Variants in DSG2 observed in about 807,000 individuals in gnomAD.
DSG2 encodes desmoglein-2.
A neutral mutation model predicts 75.6 loss-of-function variants in DSG2; 45 were observed. That is an observed-to-expected ratio of 0.60 (90% CI 0.47 to 0.76). DSG2 has a LOEUF of 0.76. Ranked by LOEUF, DSG2 falls within the 30% of genes least tolerant of loss-of-function variation. The probability of loss-of-function intolerance (pLI) is 0.00; values close to 1 mark genes in which losing one functional copy is unlikely to be tolerated. For synonymous variants in DSG2, 429 were observed against 483.9 expected (o/e 0.89, Z 1.49); for missense variants, 1,267 against 1,357.4 (o/e 0.93, Z 1.05).
rs746543384 is a variant in DSG2 at position 31,546,284 on chromosome 18, G to T, written c.2898G>T (p.Arg966Ser). The change falls in exon 15 of 15, where the codon AGG becomes AGT. Residue 966 changes from arginine to serine, a missense_variant. By Grantham distance (110) the Arg-to-Ser change is moderately radical (BLOSUM62 -1). Coordinates refer to ENST00000261590, the MANE Select transcript of DSG2 (RefSeq NM_001943.5). ...SQPQSLIVTE[R>S]VYAPASTLVD... is the part of the protein sequence containing the mutation. ...CACAGAGCCTTATTGTGACAGAGAG[G>T]GTGTATGCTCCAGCTTCTACCTTGG... 2 of 1,602,050 alleles carry T rather than the reference G, an allele frequency of 1.2e-6. No homozygotes were observed. Among genetic ancestry groups the T allele is most frequent in the South Asian group, 2.2e-5 (2 of 89,034 alleles).
At chr18:31,535,208 G>A in intron 9 of DSG2, 62 bp from the exon 10 acceptor site, 1 of 1,056,300 alleles carries the variant, frequency 9.5e-7, no homozygotes, top group Admixed American at 1.9e-5. Flanking sequence ...AAGAGCTGTA[G>A]ATGTTAGAGG....
intron 1 of DSG2, among the ~76,000 whole-genome samples, chr18:31,507,133 G>T (rs898296387): frequency 1.2e-4 from 4 of 34,106 alleles, no homozygotes; most frequent in African/African-American, 5.3e-4. Flanking sequence ...GTGTCCATGT[G>T]TTCTCGTTGT....
In DSG2 at chr18:31,546,323, T is replaced by C; in HGVS notation, c.2937T>C (p.Tyr979=). ...APASTLVDQP[Y]ANEGTVVVTE... ...CTTCTACCTTGGTAGATCAGCCTTATGCTAATGAAGGTACAGTTGTGGTCA... is the reference window on the plus strand; with the variant it reads ...CTTCTACCTTGGTAGATCAGCCTTACGCTAATGAAGGTACAGTTGTGGTCA... The change falls in exon 15 of 15, where the codon TAT becomes TAC. Residue 979 remains tyrosine, a synonymous_variant. Transcript: ENST00000261590. 1.2e-6 allele frequency: 2 copies of C among 1,608,958 alleles called. No individual in the cohort carries two copies. Among genetic ancestry groups the C allele is most frequent in the Non-Finnish European group, 1.7e-6 (2 of 1,176,652 alleles).
At chr18:31,542,004 G>A (rs924733876) in intron 13 of DSG2, 9 of 188,186 alleles carry the variant, frequency 4.8e-5, no homozygotes, top group Admixed American at 1.1e-4. Flanking sequence ...CCTAGCTGCC[G>A]TCCCCACATT....
chr18:31,518,073 A>G (rs969992619), intron 1 of DSG2, among the ~76,000 whole-genome samples, 166 bp from the exon 2 acceptor site: 7 of 152,224 alleles, frequency 4.6e-5, no homozygotes, highest in Non-Finnish European at 8.8e-5. Context: ...ACTTCCCATT[A>G]GGGAAGGCAA....
chr18:31,498,229 CG>C lies in DSG2; in HGVS notation c.-20del, dbSNP rs1240256818. ...GCGGCGGCGCGGAGCGGTGCGGCGG[CG>C]GGAGGCGGAGGCGAGGGTGCGATGG... is the stretch of plus-strand genomic sequence containing the variant. On this transcript the variant is annotated 5_prime_UTR_variant, in exon 1 of 15. Transcript: ENST00000261590. The C allele has an allele frequency of 1.6e-6, 2 of 1,250,690 alleles. No homozygotes were observed. The highest frequency in any genetic ancestry group is 2.0e-6 in the Non-Finnish European group (2 of 994,900). The allele number at this position is 1,250,690 out of a possible 1,614,324, so 77.5% of individuals were successfully genotyped here.
chr18:31,506,001 G>A (rs1288165433), intron 1 of DSG2, among the ~76,000 whole-genome samples: 7 of 152,134 alleles, frequency 4.6e-5, no homozygotes, highest in South Asian at 2.1e-4. Context: ...GTCACAAATT[G>A]GGCGTCTACT....
At position 31,518,279 on chromosome 18, in the gene DSG2, G is replaced by GA; in HGVS notation, c.81+5_81+6insA. 1.2e-6 allele frequency: 2 copies of GA among 1,611,520 alleles called. No individual in the cohort carries two copies. Among genetic ancestry groups the GA allele is most frequent in the Non-Finnish European group, 8.5e-7 (1 of 1,177,750 alleles). On this transcript the variant is annotated splice_donor_region_variant and intron_variant, in intron 2 of 14. Transcript: ENST00000261590. ...GGAAGTGGACTTCACTTACAGGTGA[G>GA]GAAACAAAGGGATTATTTCTGCCTT... is the stretch of plus-strand genomic sequence containing the variant.
intron 1 of DSG2, among the ~76,000 whole-genome samples, chr18:31,500,917 A>C (rs562945306): frequency 6.6e-6 from 1 of 152,320 alleles, no homozygotes; most frequent in South Asian, 2.1e-4. Context: ...CTTCGGACTG[A>C]AATTTAGTAT....
At position 31,521,104 on chromosome 18, in the gene DSG2, A is replaced by C. The variant is rs561929524; in HGVS notation, c.384A>C (p.Thr128=). 1.2e-6 allele frequency: 2 copies of C among 1,613,998 alleles called. No individual in the cohort carries two copies. The highest frequency in any genetic ancestry group is 1.7e-6 in the Non-Finnish European group (2 of 1,179,952). The change falls in exon 5 of 15, where the codon ACA becomes ACC. Residue 128 remains threonine, a synonymous_variant. Coordinates refer to ENST00000261590, the MANE Select transcript of DSG2 (RefSeq NM_001943.5). The part of the protein sequence containing the change: ...DREETPFFLL[T]GYALDARGNN... ...TATTTATGTCATGATTTCAGCTAAC[A>C]GGTTACGCTTTGGATGCAAGAGGAA...
At position 31,498,287 on chromosome 18, in the gene DSG2, G is replaced by A; in HGVS notation, c.36G>A (p.Leu12=). 1 of 1,265,770 alleles carries A rather than the reference G, an allele frequency of 7.9e-7. No individual in the cohort carries two copies. Among genetic ancestry groups the A allele is most frequent in the Non-Finnish European group, 1.0e-6 (1 of 1,000,704 alleles). 78.4% of individuals were successfully genotyped at this position (1,265,770 alleles called of 1,614,324 possible). A position where few individuals can be genotyped will look rare whatever the true frequency, so the allele number is the denominator to read the frequency against. ...ARSPGRAYAL[L]LLLICFNVGS... is the part of the protein sequence containing the mutation. ...GCCCGGGACGCGCGTACGCCCTGCT[G>A]CTTCTCCTGGTAAGTGCCGCAAGCG... The change falls in exon 1 of 15, where the codon CTG becomes CTA. Residue 12 remains leucine, a synonymous_variant. Coordinates refer to ENST00000261590, the MANE Select transcript of DSG2 (RefSeq NM_001943.5).
In DSG2 at chr18:31,547,685, AAAG is replaced by A. The variant is rs1192724032; in HGVS notation, c.*945_*947del. 1.3e-5 allele frequency: 2 copies of A among 151,748 alleles called. No homozygotes were observed. The highest frequency in any genetic ancestry group is 4.9e-5 in the African/African-American group (2 of 41,056). The allele number at this position is 151,748 out of a possible 1,614,324, so 9.4% of individuals were successfully genotyped here. ...GAGTGAGATTCCGTCTCAAAAAAAA[AAAG>A]AAAAGGAAAAAAAAATAGCATTATA... On this transcript the variant is annotated 3_prime_UTR_variant, in exon 15 of 15. Transcript: ENST00000261590.
chr18:31,525,637 C>T (rs1233872594), intron 8 of DSG2, among the ~76,000 whole-genome samples: 4 of 152,124 alleles, frequency 2.6e-5, no homozygotes, highest in African/African-American at 4.8e-5. Context: ...CATAAAACTG[C>T]ATGCCAAAAA....
In DSG2 at chr18:31,498,211, C is replaced by T; in HGVS notation, c.-41C>T. ...AGTGCGCGCTCGGGGCAGGCGGCGG[C>T]GCGGAGCGGTGCGGCGGCGGGAGGC... On this transcript the variant is annotated 5_prime_UTR_variant, in exon 1 of 15. Coordinates refer to ENST00000261590, the MANE Select transcript of DSG2 (RefSeq NM_001943.5). 3 of 1,239,354 alleles carry T rather than the reference C, an allele frequency of 2.4e-6. No individual in the cohort carries two copies. Among genetic ancestry groups the T allele is most frequent in the Non-Finnish European group, 3.0e-6 (3 of 988,942 alleles). 76.8% of individuals were successfully genotyped at this position (1,239,354 alleles called of 1,614,324 possible). A position where few individuals can be genotyped will look rare whatever the true frequency, so the allele number is the denominator to read the frequency against.
chr18:31,536,082 A>T, intron 10 of DSG2, 120 bp from the exon 11 acceptor site: 2 of 880,610 alleles, frequency 2.3e-6, no homozygotes, highest in Middle Eastern at 6.0e-4. Context: ...CATATCTAGG[A>T]TAGAAAATGT....
chr18:31,515,725 C>G (rs755178009), intron 1 of DSG2, among the ~76,000 whole-genome samples: 4 of 152,092 alleles, frequency 2.6e-5, no homozygotes, highest in Non-Finnish European at 4.4e-5. Flanking sequence ...CCAGAGAAGC[C>G]CACACTAGAA....
intron 1 of DSG2, among the ~76,000 whole-genome samples, chr18:31,506,750 A>G (rs2073040894): frequency 6.6e-6 from 1 of 152,220 alleles, no homozygotes; most frequent in African/African-American, 2.4e-5. Context: ...CCTAATTCCA[A>G]AAGCATTTGT....
rs1359763511 is a variant in DSG2, at chr18:31,535,482, A to G, written c.1423+70A>G. The G allele has an allele frequency of 5.2e-6, 7 of 1,350,738 alleles. No individual in the cohort carries two copies. The African/African-American group carries it at 8.7e-5, about 17-fold the overall frequency. 83.7% of individuals were successfully genotyped at this position (1,350,738 alleles called of 1,614,324 possible). ...TTTTTATTTTCCAACATCAGAAACC[A>G]TTGATTTGATTGTGTATAAAAACCT... On this transcript the variant is annotated intron_variant, in intron 10 of 14. Transcript: ENST00000261590.
Position 31,524,824 on chromosome 18 carries a change from AAGG to A in DSG2, c.954_956del (p.Gly319del), listed in dbSNP as rs1169908943. 2 of 1,614,212 alleles carry A rather than the reference AAGG, an allele frequency of 1.2e-6. No individual in the cohort carries two copies. The highest frequency in any genetic ancestry group is 2.7e-5 in the African/African-American group (2 of 75,066). ...AATTTTACATTTGCATCAGGAAATGAAGGAGGTTATTTCCACATAGAAACAGAT... is the reference window on the plus strand; with the variant it reads ...AATTTTACATTTGCATCAGGAAATGAAGGTTATTTCCACATAGAAACAGAT... On this transcript the variant is annotated inframe_deletion, in exon 8 of 15. Transcript: ENST00000261590.
Sources: allele counts gnomAD v4.1 joint callset (sites outside exome capture counted in the v4.1 genomes callset), GRCh38; gene constraint gnomAD v4.1.1; transcripts MANE v1.5; gene names NCBI Gene and HGNC (gene_info 2026-07-23, HGNC 2026-07-21).